Variants in SERPINI2 observed in about 807,000 individuals in gnomAD.
SERPINI2 encodes the protein serpin I2.
A neutral mutation model predicts 47.3 loss-of-function variants in SERPINI2; 48 were observed. That is an observed-to-expected ratio of 1.02 (90% confidence interval 0.81 to 1.29). SERPINI2 has a LOEUF of 1.29. Ranked by LOEUF, SERPINI2 falls within the 50% of genes most tolerant of loss-of-function variation. SERPINI2 has a pLI of 0.00. For missense variants in SERPINI2, 448 were observed against 456.9 expected, an observed-to-expected ratio of 0.98 and a Z score of 0.18; for synonymous variants, 135 against 149.3, an observed-to-expected ratio of 0.90 and a Z score of 0.70.
At chr3:167,470,550 C>CTTTTTTTTTTTTTTTTTTTTTTTTT (rs536884425) in intron 2 of SERPINI2, among the ~76,000 whole-genome samples, 2 of 93,048 alleles carry the variant, frequency 2.1e-5, no homozygotes, top group African/African-American at 1.1e-4. Flanking sequence ...TGAGCAACAA[C>CTTTTTTTTTTTTTTTTTTTTTTTTT]TTTTTTTTTT....
chr3:167,464,473 G>C (rs1280975386), intron 5 of SERPINI2, among the ~76,000 whole-genome samples: 2 of 152,024 alleles, frequency 1.3e-5, no homozygotes, highest in African/African-American at 4.8e-5. Flanking sequence ...AAAACCAAGA[G>C]GTTTAAGAGA....
chr3:167,444,227 T>C (rs1749406542), intron 8 of SERPINI2, among the ~76,000 whole-genome samples: 1 of 152,152 alleles, frequency 6.6e-6, no homozygotes, highest in East Asian at 1.9e-4. Flanking sequence ...AATTTTCTTC[T>C]CAAAGCCTAT....
chr3:167,476,527 G>A (rs926047175), upstream of SERPINI2, among the ~76,000 whole-genome samples: 6 of 151,996 alleles, frequency 3.9e-5, no homozygotes, highest in African/African-American at 9.7e-5. Context: ...CATGTAGTAG[G>A]CTATAGAGAG....
At chr3:167,466,761 T>C (rs889703657) in intron 3 of SERPINI2, among the ~76,000 whole-genome samples, 6 of 152,136 alleles carry the variant, frequency 3.9e-5, no homozygotes, top group Admixed American at 2.0e-4. Flanking sequence ...CTTTTATGCC[T>C]GAAAAATCTA....
At chr3:167,472,843 G>A (rs964635784) in intron 1 of SERPINI2, among the ~76,000 whole-genome samples, 10 of 151,662 alleles carry the variant, frequency 6.6e-5, no homozygotes, top group Non-Finnish European at 1.2e-4. Context: ...TGACTCCAAG[G>A]CCTCATAAAT....
intron 6 of SERPINI2, among the ~76,000 whole-genome samples, chr3:167,451,651 T>G (rs76316336): frequency 0.058 from 8,819 of 152,288 alleles, 805 homozygotes; most frequent in African/African-American, 0.2. Context: ...AAGTCTTTTA[T>G]GAAACATTTT....
At chr3:167,463,213 C>CA in intron 5 of SERPINI2, among the ~76,000 whole-genome samples, 1 of 151,220 alleles carries the variant, frequency 6.6e-6, no homozygotes, top group Middle Eastern at 3.4e-3. Flanking sequence ...AATTTAATTT[C>CA]AAAAAATATT....
At chr3:167,447,727 C>A (rs981237307) in intron 7 of SERPINI2, among the ~76,000 whole-genome samples, 1 of 152,194 alleles carries the variant, frequency 6.6e-6, no homozygotes, top group Admixed American at 6.5e-5. Context: ...AGGACTCTCT[C>A]AGTACTGTTT....
intron 1 of SERPINI2, among the ~76,000 whole-genome samples, chr3:167,472,138 A>G (rs1378263635): frequency 6.6e-6 from 1 of 152,136 alleles, no homozygotes; most frequent in Non-Finnish European, 1.5e-5. Flanking sequence ...GTATCTCCAA[A>G]TAGTTATACA....
intron 5 of SERPINI2, among the ~76,000 whole-genome samples, chr3:167,457,904 A>G (rs982196935): frequency 6.6e-6 from 1 of 152,210 alleles, no homozygotes; most frequent in African/African-American, 2.4e-5. Context: ...AGTTTTATAG[A>G]AAAATAGGAA....
intron 6 of SERPINI2, among the ~76,000 whole-genome samples, chr3:167,451,743 G>T (rs944757868): frequency 3.9e-5 from 6 of 152,300 alleles, no homozygotes; most frequent in Non-Finnish European, 8.8e-5. Context: ...AGAACAAGTG[G>T]CTGTTTGAAG....
At chr3:167,449,918 G>C (rs1012980512) in intron 6 of SERPINI2, among the ~76,000 whole-genome samples, 1 of 152,222 alleles carries the variant, frequency 6.6e-6, no homozygotes, top group Non-Finnish European at 1.5e-5. Flanking sequence ...TATATACAGA[G>C]AGAGATCAAG....
chr3:167,470,755 G>C (rs566092119), intron 2 of SERPINI2, among the ~76,000 whole-genome samples: 1 of 151,528 alleles, frequency 6.6e-6, no homozygotes, highest in South Asian at 2.1e-4. Flanking sequence ...GCCTGGTCTC[G>C]AACTCCTGAC....
At chr3:167,452,822 A>T (rs1266593630) in intron 6 of SERPINI2, 114 bp downstream of exon 6, 1 of 553,924 alleles carries the variant, frequency 1.8e-6, no homozygotes, top group Non-Finnish European at 3.2e-6. Flanking sequence ...ACATTTATTC[A>T]CTGTGCGTAT....
chr3:167,471,953 T>C, intron 1 of SERPINI2, 109 bp from the exon 2 acceptor site: 3 of 737,492 alleles, frequency 4.1e-6, no homozygotes, highest in Non-Finnish European at 6.7e-6. Context: ...TAGAACTTAC[T>C]ACCACAAGTG....
Position 167,467,303 on chromosome 3 carries a change from T to C in SERPINI2, c.248-18A>G. The stretch of plus-strand genomic sequence containing the variant: ...TTCTTCCCCTAGAAAATAATTTTAA[T>C]GTATATTGGCATATTGAACAACATA... On this transcript the variant is annotated intron_variant, in intron 2 of 8. Coordinates refer to ENST00000264677, the Ensembl canonical transcript of SERPINI2. The C allele has an allele frequency of 6.5e-7, 1 of 1,542,464 alleles. No homozygotes were observed. Among genetic ancestry groups the C allele is most frequent in the Non-Finnish European group, 8.9e-7 (1 of 1,121,620 alleles).
At chr3:167,473,044 A>T (rs1750382443) in intron 1 of SERPINI2, among the ~76,000 whole-genome samples, 1 of 151,730 alleles carries the variant, frequency 6.6e-6, no homozygotes, top group Non-Finnish European at 1.5e-5. Flanking sequence ...GGTACCATAA[A>T]TGGTAGGAGT....
chr3:167,459,148 C>T (rs1749908128), intron 5 of SERPINI2, among the ~76,000 whole-genome samples: 1 of 150,130 alleles, frequency 6.7e-6, no homozygotes, highest in Non-Finnish European at 1.5e-5. Context: ...GATCTCGGCT[C>T]ACTGCAAGCT....
At chr3:167,464,893 G>GA (rs1280476458) in intron 5 of SERPINI2, among the ~76,000 whole-genome samples, 3 of 151,872 alleles carry the variant, frequency 2.0e-5, no homozygotes, top group Non-Finnish European at 4.4e-5. Context: ...TTCCAGTCAG[G>GA]AAAAAAGTGG....
Sources: gnomAD v4.1 joint callset for allele counts (sites outside exome capture counted in the v4.1 genomes callset) on GRCh38, gnomAD v4.1.1 for gene constraint, MANE v1.5 for transcripts, NCBI Gene and HGNC (gene_info 2026-07-23, HGNC 2026-07-21) for gene names.